The following FANCC variants were observed in gnomAD, a reference collection of about 807,000 sequenced individuals.
FANCC encodes FA complementation group C.
In FANCC, 55 loss-of-function variants were observed where a neutral mutation model predicts 71.3. The observed-to-expected ratio is 0.77, with a 90% CI of 0.62 to 0.97. The LOEUF (loss-of-function observed/expected upper bound fraction) is 0.97. FANCC is among the 50% of genes least tolerant of loss of function. FANCC has a pLI of 0.00. For missense variants in FANCC, 678 were observed against 670.9 expected, an observed-to-expected ratio of 1.01 and a Z score of -0.12; for synonymous variants, 275 against 244.9, an observed-to-expected ratio of 1.12 and a Z score of -1.15.
intron 6 of FANCC, among the ~76,000 whole-genome samples, chr9:95,155,340 A>AAGAAG (rs1466617887): frequency 5.6e-4 from 12 of 21,522 alleles, no homozygotes; most frequent in African/African-American, 2.9e-3. Context: ...GAAGGAAGGG[A>AAGAAG]GGAAGGGAGG....
intron 11 of FANCC, among the ~76,000 whole-genome samples, chr9:95,116,388 C>T (rs1471629876): frequency 6.6e-6 from 1 of 152,204 alleles, no homozygotes; most frequent in Non-Finnish European, 1.5e-5. Flanking sequence ...AGGGGATCAC[C>T]CTGGGCAAGA....
rs374602991 is a variant in FANCC at position 95,172,122 on chromosome 9, G to T, written c.371C>A (p.Ala124Glu). ...IQGVLSHILS[A>E]LRFDKEVALF... ...AGCAACTTCTTTATCAAATCTGAGT[G>T]CTGAAAGTATATGAGATAATACACC... The change falls in exon 5 of 15, where the codon GCA becomes GAA. Residue 124 changes from alanine to glutamate, a missense_variant. Coordinates refer to ENST00000289081, the MANE Select transcript of FANCC (RefSeq NM_000136.3). The T allele has an allele frequency of 2.5e-6, 4 of 1,612,028 alleles. No homozygotes were observed. In the Admixed American group the frequency reaches 6.7e-5, roughly 27 times the overall value.
intron 4 of FANCC, among the ~76,000 whole-genome samples, chr9:95,218,422 C>T (rs1829013931): frequency 6.6e-6 from 1 of 152,098 alleles, no homozygotes; most frequent in Admixed American, 6.5e-5. Flanking sequence ...CTATGATTGG[C>T]CACTGCACTC....
intron 1 of FANCC, among the ~76,000 whole-genome samples, chr9:95,274,256 C>T (rs1186989249): frequency 2.0e-5 from 3 of 152,076 alleles, no homozygotes; most frequent in Admixed American, 6.6e-5. Context: ...CTCCCATTTA[C>T]GAGTGAGAAC....
At chr9:95,270,642 A>G (rs962799628) in intron 1 of FANCC, among the ~76,000 whole-genome samples, 1 of 152,258 alleles carries the variant, frequency 6.6e-6, no homozygotes, top group Non-Finnish European at 1.5e-5. Context: ...GAAAACCTCC[A>G]GAAAGGGACC....
At chr9:95,274,186 C>A (rs569695920) in intron 1 of FANCC, among the ~76,000 whole-genome samples, 1 of 152,170 alleles carries the variant, frequency 6.6e-6, no homozygotes, top group East Asian at 1.9e-4. Context: ...TCCCTCACCC[C>A]CTGACAGACC....
chr9:95,104,983 C>T (rs1267645131), intron 14 of FANCC, among the ~76,000 whole-genome samples: 1 of 152,220 alleles, frequency 6.6e-6, no homozygotes, highest in South Asian at 2.1e-4. Flanking sequence ...AGTGTAAAGC[C>T]CTCTAGGTTG....
At chr9:95,312,058 T>C (rs1051987334) in intron 1 of FANCC, among the ~76,000 whole-genome samples, 4 of 152,172 alleles carry the variant, frequency 2.6e-5, no homozygotes, top group Non-Finnish European at 5.9e-5. Context: ...TCCTAATCTC[T>C]GACCCCACTT....
chr9:95,277,057 C>T (rs1172006323), intron 1 of FANCC, among the ~76,000 whole-genome samples: 1 of 152,144 alleles, frequency 6.6e-6, no homozygotes, highest in Non-Finnish European at 1.5e-5. Flanking sequence ...ATGCAGCATT[C>T]CTACGCATGA....
intron 3 of FANCC, among the ~76,000 whole-genome samples, chr9:95,241,755 G>A (rs1324009171): frequency 6.6e-6 from 1 of 152,126 alleles, no homozygotes; most frequent in Non-Finnish European, 1.5e-5. Context: ...CACCTCTCGG[G>A]CTCCAGCGAT....
At chr9:95,184,145 A>T (rs1826562066) in intron 4 of FANCC, among the ~76,000 whole-genome samples, 1 of 152,144 alleles carries the variant, frequency 6.6e-6, no homozygotes, top group African/African-American at 2.4e-5. Flanking sequence ...ACATTAAAAA[A>T]ATTTAATGTA....
At chr9:95,302,379 G>C (rs1420895424) in intron 1 of FANCC, among the ~76,000 whole-genome samples, 1 of 152,166 alleles carries the variant, frequency 6.6e-6, no homozygotes. Flanking sequence ...AAATTTCTGA[G>C]TGCCAACCTC....
intron 4 of FANCC, among the ~76,000 whole-genome samples, chr9:95,194,461 A>G (rs1827291998): frequency 6.6e-6 from 1 of 152,194 alleles, no homozygotes; most frequent in South Asian, 2.1e-4. Context: ...CCATGTTCCT[A>G]CCAAAAATGC....
intron 1 of FANCC, among the ~76,000 whole-genome samples, chr9:95,274,346 A>G (rs1832915477): frequency 6.6e-6 from 1 of 152,190 alleles, no homozygotes; most frequent in Non-Finnish European, 1.5e-5. Flanking sequence ...CCTGCAAAGG[A>G]CATGAACTCA....
chr9:95,191,471 C>A (rs913503950), intron 4 of FANCC, among the ~76,000 whole-genome samples: 1 of 151,460 alleles, frequency 6.6e-6, no homozygotes, highest in Non-Finnish European at 1.5e-5. Context: ...GAATTACAGG[C>A]ATGGGCTACC....
intron 4 of FANCC, among the ~76,000 whole-genome samples, chr9:95,215,363 GGAGAGGGAGATGGA>G (rs947491383): frequency 3.3e-5 from 5 of 152,224 alleles, no homozygotes; most frequent in South Asian, 2.1e-4. Context: ...TAGGAGAGGA[GGAGAGGGAGATGGA>G]GAGAGGGAGA....
At chr9:95,229,427 G>A (rs1287850762) in intron 4 of FANCC, among the ~76,000 whole-genome samples, 1 of 152,066 alleles carries the variant, frequency 6.6e-6, no homozygotes, top group Non-Finnish European at 1.5e-5. Flanking sequence ...GGTAGGAAGT[G>A]GTCAGATTCT....
intron 1 of FANCC, among the ~76,000 whole-genome samples, chr9:95,264,079 C>G (rs73654543): frequency 1.3e-5 from 2 of 152,220 alleles, no homozygotes; most frequent in Non-Finnish European, 2.9e-5. Flanking sequence ...AGAATCACAG[C>G]CCCGTGTCCT....
At chr9:95,248,811 C>T (rs1397602230) in intron 2 of FANCC, among the ~76,000 whole-genome samples, 2 of 152,126 alleles carry the variant, frequency 1.3e-5, no homozygotes, top group Non-Finnish European at 2.9e-5. Context: ...AGCAAATTCT[C>T]CAAGATTCAA....
Sources: allele counts gnomAD v4.1 joint callset (sites outside exome capture counted in the v4.1 genomes callset), GRCh38; gene constraint gnomAD v4.1.1; transcripts MANE v1.5; gene names NCBI Gene and HGNC (gene_info 2026-07-23, HGNC 2026-07-21).